Variants in CBFA2T2 observed in about 807,000 individuals in gnomAD.
CBFA2T2 encodes the protein protein CBFA2T2.
In CBFA2T2, 11 loss-of-function variants were observed where a neutral mutation model predicts 62.2. The observed-to-expected ratio is 0.18, with a 90% confidence interval of 0.11 to 0.29. The LOEUF is 0.29. Among genes scored for constraint, CBFA2T2 ranks in the 10% least tolerant of loss-of-function variants. The pLI is 1.00. For synonymous variants in CBFA2T2, 295 were observed against 287.5 expected (o/e 1.03, Z -0.27); for missense variants, 592 against 774.1 (o/e 0.76, Z 2.79).
At chr20:33,498,442 G>C (rs923924404) in intron 1 of CBFA2T2, among the ~76,000 whole-genome samples, 1 of 149,866 alleles carries the variant, frequency 6.7e-6, no homozygotes, top group African/African-American at 2.5e-5. Context: ...AGTGGAGATG[G>C]GGGTTTCATC....
chr20:33,613,373 A>G (rs760644398), intron 3 of CBFA2T2, among the ~76,000 whole-genome samples: 4 of 152,234 alleles, frequency 2.6e-5, no homozygotes, highest in Non-Finnish European at 5.9e-5. Flanking sequence ...TTGTGCTCAC[A>G]GCTAAGATCT....
At chr20:33,627,677 G>A (rs1379264826) in intron 6 of CBFA2T2, among the ~76,000 whole-genome samples, 1 of 152,034 alleles carries the variant, frequency 6.6e-6, no homozygotes, top group Non-Finnish European at 1.5e-5. Context: ...AAATCATGAG[G>A]AACTCAATAT....
At chr20:33,620,564 G>A (rs2015915055) in intron 4 of CBFA2T2, among the ~76,000 whole-genome samples, 1 of 151,898 alleles carries the variant, frequency 6.6e-6, no homozygotes, top group African/African-American at 2.4e-5. Flanking sequence ...GCAAGGCCGG[G>A]TGTGGTGGCT....
Position 33,644,370 on chromosome 20 carries a change from A to G in CBFA2T2, c.1512A>G (p.Lys504=). The G allele has an allele frequency of 6.2e-7, 1 of 1,612,018 alleles. No homozygotes were observed. The highest frequency in any genetic ancestry group is 8.5e-7 in the Non-Finnish European group (1 of 1,178,236). ...STENCWNCGR[K]ASETCSGCNI... is the part of the protein sequence containing the mutation. The stretch of plus-strand genomic sequence containing the variant: ...AGAACTGCTGGAACTGTGGCCGCAA[A>G]GCCAGCGAGACATGCAGTGGCTGCA... Residue 504 remains lysine (K), a synonymous_variant, in exon 11 of 11, where the codon AAA becomes AAG. Coordinates refer to ENST00000342704, the MANE Select transcript of CBFA2T2 (RefSeq NM_001032999.3).
At chr20:33,562,905 AT>A (rs1248990481) in intron 1 of CBFA2T2, among the ~76,000 whole-genome samples, 1 of 152,196 alleles carries the variant, frequency 6.6e-6, no homozygotes, top group Non-Finnish European at 1.5e-5. Flanking sequence ...GGTTTACTTA[AT>A]AATTAGATGT....
chr20:33,623,608 G>T (rs185952019), intron 5 of CBFA2T2, among the ~76,000 whole-genome samples: 2 of 151,712 alleles, frequency 1.3e-5, no homozygotes, highest in East Asian at 3.9e-4. Context: ...TTTTTGGAGA[G>T]ATGAGGTTTT....
At chr20:33,606,564 G>A (rs1025532792) in intron 1 of CBFA2T2, among the ~76,000 whole-genome samples, 3 of 152,034 alleles carry the variant, frequency 2.0e-5, no homozygotes, top group Non-Finnish European at 4.4e-5. Context: ...GGCATTCCTC[G>A]GTGTATAGAT....
chr20:33,544,995 T>A (rs58367850), intron 1 of CBFA2T2, among the ~76,000 whole-genome samples: 1 of 128,536 alleles, frequency 7.8e-6, no homozygotes, highest in Non-Finnish European at 1.6e-5. Flanking sequence ...TAGAATAGAA[T>A]AGAATAGAAT....
At chr20:33,542,982 T>G (rs1160754122) in intron 1 of CBFA2T2, among the ~76,000 whole-genome samples, 1 of 151,368 alleles carries the variant, frequency 6.6e-6, no homozygotes, top group Admixed American at 6.6e-5. Context: ...TACTAATACT[T>G]AATTTGTATT....
chr20:33,645,281 C>T lies in CBFA2T2; in HGVS notation c.*635C>T, dbSNP rs907887067. On this transcript the variant is annotated 3_prime_UTR_variant, in exon 11 of 11. Transcript: ENST00000342704. ...AAAAACATAAAACAAATAAAACTTCCCCCACATCACAGATGATTTTGGACA... is the reference window on the plus strand; with the variant it reads ...AAAAACATAAAACAAATAAAACTTCTCCCACATCACAGATGATTTTGGACA... 5.9e-5 allele frequency: 9 copies of T among 152,236 alleles called. No individual in the cohort carries two copies. Among genetic ancestry groups the T allele is most frequent in the African/African-American group, 2.2e-4 (9 of 41,480 alleles). 9.4% of individuals were successfully genotyped at this position (152,236 alleles called of 1,614,324 possible). A position where few individuals can be genotyped will look rare whatever the true frequency, so the allele number is the denominator to read the frequency against.
In CBFA2T2 at chr20:33,607,105, A is replaced by G; in HGVS notation, c.178+6A>G. ...GTCCTTCACTCCTACTGCATGTGAG[A>G]CCTCTTAGTTACTTATGTTTGTAGT... On this transcript the variant is annotated splice_donor_region_variant and intron_variant, in intron 2 of 10. Transcript: ENST00000342704. 1 of 1,611,416 alleles carries G rather than the reference A, an allele frequency of 6.2e-7. No homozygotes were observed. The highest frequency in any genetic ancestry group is 8.5e-7 in the Non-Finnish European group (1 of 1,178,398).
intron 1 of CBFA2T2, among the ~76,000 whole-genome samples, chr20:33,519,859 T>C (rs1412283894): frequency 2.6e-5 from 4 of 151,980 alleles, no homozygotes; most frequent in African/African-American, 9.7e-5. Flanking sequence ...TAAATCTAGT[T>C]GGCTGAGCCG....
intron 1 of CBFA2T2, among the ~76,000 whole-genome samples, chr20:33,500,199 C>T (rs2011255293): frequency 6.6e-6 from 1 of 152,014 alleles, no homozygotes; most frequent in Non-Finnish European, 1.5e-5. Flanking sequence ...TTGTGATCTG[C>T]CCGCCTCTGC....
chr20:33,509,551 G>A (rs1214003742), intron 1 of CBFA2T2, among the ~76,000 whole-genome samples: 3 of 151,936 alleles, frequency 2.0e-5, no homozygotes, highest in Non-Finnish European at 2.9e-5. Context: ...GTCCTGGCTG[G>A]GCACGGTGGC....
intron 1 of CBFA2T2, among the ~76,000 whole-genome samples, chr20:33,589,716 A>G (rs980170061): frequency 2.0e-5 from 3 of 152,170 alleles, no homozygotes; most frequent in Non-Finnish European, 4.4e-5. Flanking sequence ...CCTCAATTTC[A>G]ATCCTGATCT....
At chr20:33,578,229 A>AT (rs1374138931) in intron 1 of CBFA2T2, among the ~76,000 whole-genome samples, 1 of 152,116 alleles carries the variant, frequency 6.6e-6, no homozygotes, top group South Asian at 2.1e-4. Context: ...CACCTCTAAA[A>AT]TTTTTTCTAG....
At chr20:33,538,535 C>A (rs936068163) in intron 1 of CBFA2T2, among the ~76,000 whole-genome samples, 1 of 152,034 alleles carries the variant, frequency 6.6e-6, no homozygotes, top group Non-Finnish European at 1.5e-5. Context: ...CCAGGCCTGG[C>A]TAATTGTATT....
intron 1 of CBFA2T2, among the ~76,000 whole-genome samples, chr20:33,494,963 T>C (rs2011184279): frequency 6.6e-6 from 1 of 152,200 alleles, no homozygotes; most frequent in African/African-American, 2.4e-5. Flanking sequence ...TAAATGGAAG[T>C]AGCAGTTCCA....
intron 1 of CBFA2T2, among the ~76,000 whole-genome samples, chr20:33,602,378 G>T (rs911838617): frequency 4.8e-5 from 7 of 145,172 alleles, no homozygotes; most frequent in African/African-American, 1.8e-4. Flanking sequence ...TTTCCCTTTA[G>T]ATAACCTCAT....
Sources: gnomAD v4.1 joint callset for allele counts (sites outside exome capture counted in the v4.1 genomes callset) on GRCh38, gnomAD v4.1.1 for gene constraint, MANE v1.5 for transcripts, NCBI Gene and HGNC (gene_info 2026-07-23, HGNC 2026-07-21) for gene names.